Variants in CADM1 observed in about 807,000 individuals in gnomAD.
CADM1 encodes the protein TSLC-1.
A neutral mutation model predicts 53.1 loss-of-function variants in CADM1; 15 were observed. The observed-to-expected ratio is 0.28, with a 90% CI of 0.19 to 0.44. CADM1 has a LOEUF of 0.44. Among genes scored for constraint, CADM1 ranks in the 20% least tolerant of loss-of-function variants. The pLI is 1.00. For synonymous variants in CADM1, 281 were observed against 243.0 expected (o/e 1.16, Z -1.45); for missense variants, 434 against 611.3 (o/e 0.71, Z 3.06).
intron 1 of CADM1, among the ~76,000 whole-genome samples, chr11:115,286,816 G>T (rs1943740581): frequency 6.6e-6 from 1 of 152,214 alleles, no homozygotes; most frequent in Non-Finnish European, 1.5e-5. Context: ...AAGCAGGGGT[G>T]TTGGGGAGGT....
intron 1 of CADM1, among the ~76,000 whole-genome samples, chr11:115,441,957 C>A (rs572154628): frequency 6.6e-6 from 1 of 152,060 alleles, no homozygotes; most frequent in Non-Finnish European, 1.5e-5. Context: ...GAGGACTGGG[C>A]ATTGTACTAG....
intron 1 of CADM1, among the ~76,000 whole-genome samples, chr11:115,492,031 C>A (rs1591302150): frequency 6.6e-6 from 1 of 152,130 alleles, no homozygotes; most frequent in East Asian, 1.9e-4. Flanking sequence ...ACCAATATGG[C>A]ACATGTATAC....
intron 1 of CADM1, among the ~76,000 whole-genome samples, chr11:115,356,705 G>A (rs957757781): frequency 6.6e-6 from 1 of 152,082 alleles, no homozygotes; most frequent in African/African-American, 2.4e-5. Context: ...CTACCTAATA[G>A]TATATGAGAA....
At chr11:115,481,561 A>G (rs975747895) in intron 1 of CADM1, among the ~76,000 whole-genome samples, 19 of 152,242 alleles carry the variant, frequency 1.2e-4, no homozygotes, top group Middle Eastern at 3.4e-3. Flanking sequence ...AGTGCCACAG[A>G]GTGCTGCTAG....
chr11:115,192,746 T>TA (rs1252929504), intron 9 of CADM1, among the ~76,000 whole-genome samples: 1 of 152,066 alleles, frequency 6.6e-6, no homozygotes, highest in Non-Finnish European at 1.5e-5. Flanking sequence ...GAAAGCTAAT[T>TA]AAAAAACCCA....
chr11:115,219,521 G>A (rs1042751062), intron 5 of CADM1, among the ~76,000 whole-genome samples: 2 of 152,190 alleles, frequency 1.3e-5, no homozygotes, highest in African/African-American at 2.4e-5. Context: ...AAGCCCAGAA[G>A]CTCCAGCTGA....
At chr11:115,245,513 G>A (rs182927266) in intron 1 of CADM1, among the ~76,000 whole-genome samples, 1 of 152,254 alleles carries the variant, frequency 6.6e-6, no homozygotes, top group Admixed American at 6.5e-5. Context: ...TGTCAATTAT[G>A]CTCATTTCTG....
intron 1 of CADM1, among the ~76,000 whole-genome samples, chr11:115,345,190 A>G (rs1221703907): frequency 6.6e-6 from 1 of 152,164 alleles, no homozygotes; most frequent in Non-Finnish European, 1.5e-5. Flanking sequence ...ACCAAAGAAC[A>G]TGAGGAGAAG....
chr11:115,468,441 A>G (rs949089434), intron 1 of CADM1, among the ~76,000 whole-genome samples: 1 of 152,252 alleles, frequency 6.6e-6, no homozygotes, highest in Middle Eastern at 3.2e-3. Flanking sequence ...ACAAAACTTC[A>G]TGAATAGGAT....
At chr11:115,455,437 G>C (rs1326800862) in intron 1 of CADM1, among the ~76,000 whole-genome samples, 2 of 151,810 alleles carry the variant, frequency 1.3e-5, no homozygotes, top group African/African-American at 4.8e-5. Context: ...AGAAATATTG[G>C]TCTCTGGTAG....
intron 1 of CADM1, among the ~76,000 whole-genome samples, chr11:115,472,259 A>G (rs1283106764): frequency 1.3e-5 from 2 of 152,260 alleles, no homozygotes; most frequent in Non-Finnish European, 2.9e-5. Context: ...AGTAGATGTC[A>G]GAGCCCAGGG....
At chr11:115,364,124 G>A (rs111910255) in intron 1 of CADM1, among the ~76,000 whole-genome samples, 3 of 151,838 alleles carry the variant, frequency 2.0e-5, no homozygotes, top group Non-Finnish European at 2.9e-5. Context: ...TACCTCCATC[G>A]TGAAGCAACA....
At chr11:115,502,834 G>A (rs1023359622) in intron 1 of CADM1, among the ~76,000 whole-genome samples, 40 of 152,322 alleles carry the variant, frequency 2.6e-4, no homozygotes, top group African/African-American at 9.4e-4. Context: ...CCTCTAGCGT[G>A]TAAACAAAAG....
At chr11:115,178,483 G>GTTTTTT (rs375004893) in intron 11 of CADM1, among the ~76,000 whole-genome samples, 161 bp downstream of exon 11, 22 of 133,786 alleles carry the variant, frequency 1.6e-4, no homozygotes, top group South Asian at 2.5e-4. Context: ...TTCTGGTTTT[G>GTTTTTT]TTTTTTTTTT....
At position 115,175,352 on chromosome 11, in the gene CADM1, T is replaced by C. The variant is rs1284523023; in HGVS notation, c.*1122A>G. On this transcript the variant is annotated 3_prime_UTR_variant, in exon 12 of 12. Coordinates refer to ENST00000331581, the MANE Select transcript of CADM1 (RefSeq NM_001301043.2). The stretch of plus-strand genomic sequence containing the variant: ...ACAGTACATGCAGGCCACATCCTAC[T>C]GCCTTCCTAACTAAGCACAAAGGAA... The C allele has an allele frequency of 1.0e-6, 1 of 962,168 alleles. No individual in the cohort carries two copies. Among genetic ancestry groups the C allele is most frequent in the Non-Finnish European group, 1.2e-6 (1 of 813,672 alleles). The allele number at this position is 962,168 out of a possible 1,614,324, so 59.6% of individuals were successfully genotyped here.
chr11:115,327,074 ATACT>A (rs1431296891), intron 1 of CADM1, among the ~76,000 whole-genome samples: 3 of 152,278 alleles, frequency 2.0e-5, no homozygotes, highest in African/African-American at 7.2e-5. Context: ...AAAAACATAC[ATACT>A]ATTTTTATAT....
chr11:115,429,893 G>C (rs1363464320), intron 1 of CADM1, among the ~76,000 whole-genome samples: 1 of 152,160 alleles, frequency 6.6e-6, no homozygotes, highest in African/African-American at 2.4e-5. Flanking sequence ...CCGGAGCAGT[G>C]TCTGGCATGT....
At chr11:115,206,251 G>A (rs1365818155) in intron 8 of CADM1, among the ~76,000 whole-genome samples, 1 of 152,184 alleles carries the variant, frequency 6.6e-6, no homozygotes, top group Non-Finnish European at 1.5e-5. Context: ...ATAAATCAGG[G>A]ACTGTTTGTA....
chr11:115,355,428 C>T (rs937876469), intron 1 of CADM1, among the ~76,000 whole-genome samples: 8 of 151,910 alleles, frequency 5.3e-5, no homozygotes, highest in Admixed American at 1.3e-4. Flanking sequence ...ATGGATGCAA[C>T]GCAAAAAGGA....
Sources: gnomAD v4.1 joint callset for allele counts (sites outside exome capture counted in the v4.1 genomes callset) on GRCh38, gnomAD v4.1.1 for gene constraint, MANE v1.5 for transcripts, NCBI Gene and HGNC (gene_info 2026-07-23, HGNC 2026-07-21) for gene names.